Variants in AGPAT4 observed in about 807,000 individuals in gnomAD.
AGPAT4 encodes the protein 1-acyl-sn-glycerol-3-phosphate acyltransferase delta.
In AGPAT4, 15 loss-of-function variants were observed where a neutral mutation model predicts 48.0. The observed-to-expected ratio is 0.31, with a 90% CI of 0.21 to 0.48. The LOEUF (loss-of-function observed/expected upper bound fraction) is 0.48, where lower values mean the gene tolerates loss of function less well. AGPAT4 is among the 20% of genes least tolerant of loss of function. The probability of loss-of-function intolerance (pLI) is 0.99; values close to 1 mark genes in which losing one functional copy is unlikely to be tolerated. For missense variants in AGPAT4, 314 were observed against 482.5 expected (o/e 0.65, Z 3.27); for synonymous variants, 178 against 198.7 (o/e 0.90, Z 0.88).
In AGPAT4 at chr6:161,244,424, A is replaced by T. The variant is rs1270211344; in HGVS notation, c.-89-12122T>A. On this transcript the variant is annotated intron_variant, in intron 1 of 8. Transcript: ENST00000320285. This position sits in a 1 kb window ranked among gnomAD's most constrained non-coding sequence, Gnocchi z 4.7. The stretch of plus-strand genomic sequence containing the variant: ...AAATAATAAAAAGCCTTTAAAGTTA[A>T]GGTTTATGGCGAAATTTAAAATGTT... 6.6e-6 allele frequency among the ~76,000 whole-genome samples: 1 copy of T among 152,220 alleles called. No homozygotes were observed. The highest frequency in any genetic ancestry group is 1.5e-5 in the Non-Finnish European group (1 of 68,032).
intron 2 of AGPAT4, among the ~76,000 whole-genome samples, chr6:161,191,195 G>C (rs760153917): frequency 7.9e-5 from 12 of 152,122 alleles, no homozygotes. Context: ...CTTGACAGAC[G>C]AGAACACCAA....
rs916591831 is a variant in AGPAT4 at position 161,208,222 on chromosome 6, C to T, written c.178+23814G>A. Among the ~76,000 whole-genome samples, 5 of 152,038 alleles carry T rather than the reference C, an allele frequency of 3.3e-5. No individual in the cohort carries two copies. Among genetic ancestry groups the T allele is most frequent in the Admixed American group, 6.5e-5 (1 of 15,268 alleles). On this transcript the variant is annotated intron_variant, in intron 2 of 8. Transcript: ENST00000320285. The surrounding 1 kb of genome is among the most constrained non-coding windows in gnomAD (Gnocchi z 4.6). ...ATTTCAGTCTCCTTTTTTATATGAA[C>T]GTTAGCTACCAAGACAAGCACTGTT...
chr6:161,238,714 C>T lies in AGPAT4; in HGVS notation c.-89-6412G>A, dbSNP rs995973215. On this transcript the variant is annotated intron_variant, in intron 1 of 8. Transcript: ENST00000320285. This position sits in a 1 kb window ranked among gnomAD's most constrained non-coding sequence, Gnocchi z 5.2. ...TGAATTGTAGTTCCCATAATCTCCACATGTCGTGGGAGGGAACCAGTGGGA... is the reference window on the plus strand; with the variant it reads ...TGAATTGTAGTTCCCATAATCTCCATATGTCGTGGGAGGGAACCAGTGGGA... Among the ~76,000 whole-genome samples the T allele has an allele frequency of 8.9e-4, 136 of 152,270 alleles. No homozygotes were observed. The highest frequency in any genetic ancestry group is 3.1e-3 in the African/African-American group (129 of 41,548).
chr6:161,163,082 T>C (rs1779982063), intron 3 of AGPAT4, among the ~76,000 whole-genome samples: 1 of 152,268 alleles, frequency 6.6e-6, no homozygotes, highest in Admixed American at 6.5e-5. Flanking sequence ...GGACAGGCAC[T>C]GCAATGAGCA....
At chr6:161,258,887 C>G (rs1783020848) in intron 1 of AGPAT4, among the ~76,000 whole-genome samples, 1 of 151,752 alleles carries the variant, frequency 6.6e-6, no homozygotes, top group Non-Finnish European at 1.5e-5. Context: ...AACCCCCACT[C>G]CCAGGTTCAA....
At position 161,254,269 on chromosome 6, in the gene AGPAT4, T is replaced by C. The variant is rs1582912210; in HGVS notation, c.-90+19669A>G. On this transcript the variant is annotated intron_variant, in intron 1 of 8. Transcript: ENST00000320285. The surrounding 1 kb of genome is among the most constrained non-coding windows in gnomAD (Gnocchi z 5.9). The stretch of plus-strand genomic sequence containing the variant: ...GCTCTGTGACTTACTAGTGGACCCA[T>C]TGTACAGCTAAGAAAATAGAGGCTC... Among the ~76,000 whole-genome samples the C allele has an allele frequency of 6.6e-6, 1 of 152,198 alleles. No individual in the cohort carries two copies. The highest frequency in any genetic ancestry group is 1.5e-5 in the Non-Finnish European group (1 of 68,032).
At position 161,249,833 on chromosome 6, in the gene AGPAT4, C is replaced by G. The variant is rs528957047; in HGVS notation, c.-89-17531G>C. On this transcript the variant is annotated intron_variant, in intron 1 of 8. Transcript: ENST00000320285. This position sits in a 1 kb window ranked among gnomAD's most constrained non-coding sequence, Gnocchi z 6.2. ...GTTATACACCCAAAGGAATATAAATCGTTCTATCATAAAGACACATGCACG... is the reference window on the plus strand; with the variant it reads ...GTTATACACCCAAAGGAATATAAATGGTTCTATCATAAAGACACATGCACG... Among the ~76,000 whole-genome samples, 1 of 152,162 alleles carries G rather than the reference C, an allele frequency of 6.6e-6. No individual in the cohort carries two copies. Among genetic ancestry groups the G allele is most frequent in the South Asian group, 2.1e-4 (1 of 4,818 alleles).
chr6:161,247,028 A>G (rs952487057), intron 1 of AGPAT4, among the ~76,000 whole-genome samples: 1 of 152,240 alleles, frequency 6.6e-6, no homozygotes, highest in South Asian at 2.1e-4. Flanking sequence ...CCATACCTTT[A>G]CATGCTGTAA....
At position 161,197,223 on chromosome 6, in the gene AGPAT4, C is replaced by CTAA. The variant is rs1781094332; in HGVS notation, c.179-30809_179-30807dup. Reference sequence around the variant, plus strand: ...TGGCCTTCTCCGAACGTTGAATGTGCTAATGGACAGTGAGCGCTTTCAGAG... The same window carrying CTAA: ...TGGCCTTCTCCGAACGTTGAATGTGCTAATAATGGACAGTGAGCGCTTTCAGAG... On this transcript the variant is annotated intron_variant, in intron 2 of 8. Transcript: ENST00000320285. This position sits in a 1 kb window ranked among gnomAD's most constrained non-coding sequence, Gnocchi z 5.7. 6.6e-6 allele frequency among the ~76,000 whole-genome samples: 1 copy of CTAA among 152,124 alleles called. No individual in the cohort carries two copies. Among genetic ancestry groups the CTAA allele is most frequent in the Non-Finnish European group, 1.5e-5 (1 of 68,022 alleles).
intron 3 of AGPAT4, among the ~76,000 whole-genome samples, chr6:161,157,729 A>G (rs896358816): frequency 6.6e-6 from 1 of 152,232 alleles, no homozygotes; most frequent in Non-Finnish European, 1.5e-5. Flanking sequence ...GAAACATGTT[A>G]AAATATTAAG....
chr6:161,162,695 C>CT (rs1779971775), intron 3 of AGPAT4, among the ~76,000 whole-genome samples: 1 of 152,220 alleles, frequency 6.6e-6, no homozygotes, highest in Non-Finnish European at 1.5e-5. Flanking sequence ...CACATGGCTT[C>CT]TTTAAGGATC....
At chr6:161,263,300 G>A (rs922646817) in intron 1 of AGPAT4, among the ~76,000 whole-genome samples, 1 of 152,172 alleles carries the variant, frequency 6.6e-6, no homozygotes, top group Non-Finnish European at 1.5e-5. Flanking sequence ...TCCCAGCCTG[G>A]CCAACATGGT....
rs1782064775 is a variant in AGPAT4, at chr6:161,229,389, G to A, written c.178+2647C>T. Among the ~76,000 whole-genome samples the A allele has an allele frequency of 6.6e-6, 1 of 152,164 alleles. No homozygotes were observed. The highest frequency in any genetic ancestry group is 2.4e-5 in the African/African-American group (1 of 41,440). On this transcript the variant is annotated intron_variant, in intron 2 of 8. Transcript: ENST00000320285. This position sits in a 1 kb window ranked among gnomAD's most constrained non-coding sequence, Gnocchi z 6.0. Reference sequence around the variant, plus strand: ...GGAGAGTTACAGCATAGACGCTGCAGAGTCATCTGCTAGTTAAGCTGCTGA... The same window carrying A: ...GGAGAGTTACAGCATAGACGCTGCAAAGTCATCTGCTAGTTAAGCTGCTGA...
intron 2 of AGPAT4, among the ~76,000 whole-genome samples, chr6:161,173,472 C>A: frequency 6.6e-6 from 1 of 152,108 alleles, no homozygotes. Context: ...ATATCCTTCG[C>A]CCACTTTTTG....
intron 2 of AGPAT4, among the ~76,000 whole-genome samples, chr6:161,230,699 A>G (rs1301248042): frequency 6.6e-6 from 1 of 152,236 alleles, no homozygotes; most frequent in Non-Finnish European, 1.5e-5. Context: ...AGTACATTGT[A>G]TCATATTGGA....
In AGPAT4 at chr6:161,223,809, C is replaced by T. The variant is rs377528958; in HGVS notation, c.178+8227G>A. On this transcript the variant is annotated intron_variant, in intron 2 of 8. Coordinates refer to ENST00000320285, the MANE Select transcript of AGPAT4 (RefSeq NM_020133.3). This position sits in a 1 kb window ranked among gnomAD's most constrained non-coding sequence, Gnocchi z 6.3. Reference sequence around the variant, plus strand: ...TGAAAGGCTCTCCACTCAAAGACCTCCTGGCCCCAATCTCTGCTCCATCAC... The same window carrying T: ...TGAAAGGCTCTCCACTCAAAGACCTTCTGGCCCCAATCTCTGCTCCATCAC... Among the ~76,000 whole-genome samples, 73 of 152,272 alleles carry T rather than the reference C, an allele frequency of 4.8e-4. 1 individual carries two copies. The South Asian group carries it at 0.014, about 30-fold the overall frequency.
chr6:161,221,154 A>C lies in AGPAT4; in HGVS notation c.178+10882T>G, dbSNP rs1583342496. On this transcript the variant is annotated intron_variant, in intron 2 of 8. Transcript: ENST00000320285. The surrounding 1 kb of genome is among the most constrained non-coding windows in gnomAD (Gnocchi z 4.5). ...GTGAGCAAGGAACACATGGTGAAGG[A>C]AACGTGTGAGGCTTTCCCTCCGGTC... Among the ~76,000 whole-genome samples the C allele has an allele frequency of 6.6e-6, 1 of 152,156 alleles. No homozygotes were observed. Among genetic ancestry groups the C allele is most frequent in the African/African-American group, 2.4e-5 (1 of 41,430 alleles).
intron 2 of AGPAT4, among the ~76,000 whole-genome samples, chr6:161,168,801 T>C (rs1168025285): frequency 2.0e-5 from 3 of 152,176 alleles, no homozygotes; most frequent in African/African-American, 4.8e-5. Flanking sequence ...CTGCTGAATA[T>C]TGTCTTCATG....
chr6:161,211,710 T>A (rs1161243088), intron 2 of AGPAT4, among the ~76,000 whole-genome samples: 2 of 152,322 alleles, frequency 1.3e-5, no homozygotes, highest in African/African-American at 4.8e-5. Flanking sequence ...TTAATTTTTT[T>A]AATTAAGGTT....
Sources: gnomAD v4.1 joint callset for allele counts (sites outside exome capture counted in the v4.1 genomes callset) on GRCh38, gnomAD v4.1.1 for gene constraint, Gnocchi (gnomAD v3.1) non-coding constraint, MANE v1.5 for transcripts, NCBI Gene and HGNC (gene_info 2026-07-23, HGNC 2026-07-21) for gene names.